The following CTDP1 variants were observed in gnomAD, a reference collection of about 807,000 sequenced individuals.
CTDP1 encodes CTD phosphatase 1.
Under a neutral mutation model 91.8 loss-of-function variants are expected in CTDP1, and 47 were observed. The observed-to-expected ratio is 0.51, with a 90% CI of 0.41 to 0.65. CTDP1 has a LOEUF of 0.65. Among genes scored for constraint, CTDP1 ranks in the 30% least tolerant of loss-of-function variants. The pLI is 0.00. For synonymous variants in CTDP1, 656 were observed against 598.5 expected (o/e 1.10, Z -1.40); for missense variants, 1,272 against 1,373.7 (o/e 0.93, Z 1.17).
At chr18:79,708,108 CAG>C (rs1477886924) in intron 5 of CTDP1, among the ~76,000 whole-genome samples, 1 of 152,152 alleles carries the variant, frequency 6.6e-6, no homozygotes, top group African/African-American at 2.4e-5. Context: ...CCAGTGGTAT[CAG>C]GGAACGGAAA....
intron 7 of CTDP1, among the ~76,000 whole-genome samples, chr18:79,714,181 C>T (rs1288996648): frequency 6.6e-6 from 1 of 152,164 alleles, no homozygotes; most frequent in Non-Finnish European, 1.5e-5. Flanking sequence ...TTTTGAGTGC[C>T]CACATGGTGC....
rs372238734 is a variant in CTDP1, at chr18:79,715,289, G to A, written c.1829G>A (p.Arg610His). The change falls in exon 8 of 13, where the codon CGC (arginine) becomes CAC (histidine). Residue 610 changes from arginine (R) to histidine (H), a missense_variant. This residue lies in a region of CTDP1 where 881 missense variants were observed against 911.6 expected (regional missense o/e 0.97). Transcript: ENST00000613122. Reference protein sequence around the residue: ...VHTDYYAKYDRYLNKEIEEAP... With the variant: ...VHTDYYAKYDHYLNKEIEEAP... ...ACTGACTACTATGCCAAGTATGACC[G>A]CTACCTCAACAAGGAGATCGAGGAG... The A allele has an allele frequency of 6.4e-5, 103 of 1,609,764 alleles. No individual in the cohort carries two copies. The highest frequency in any genetic ancestry group is 8.2e-5 in the Non-Finnish European group (97 of 1,178,126).
upstream of CTDP1, chr18:79,679,299 AGGC>A (rs1445546211): frequency 5.3e-5 from 22 of 414,724 alleles, 1 homozygote; most frequent in Admixed American, 5.4e-4. Flanking sequence ...GGGGGACACG[AGGC>A]GGGGCCACCA....
chr18:79,690,501 C>T (rs2085598373), intron 1 of CTDP1, among the ~76,000 whole-genome samples: 1 of 152,148 alleles, frequency 6.6e-6, no homozygotes, highest in Non-Finnish European at 1.5e-5. Flanking sequence ...CGTGTCACAC[C>T]CCTTTTTAAG....
chr18:79,717,952 G>T lies in CTDP1; in HGVS notation c.2353G>T (p.Gly785Cys). The T allele has an allele frequency of 6.2e-7, 1 of 1,613,488 alleles. No homozygotes were observed. The highest frequency in any genetic ancestry group is 8.5e-7 in the Non-Finnish European group (1 of 1,179,996). Residue 785 changes from glycine (G) to cysteine (C), a missense_variant, in exon 10 of 13, where the codon GGC becomes TGC. Physicochemically the swap from Gly to Cys is radical, Grantham distance 159. This residue lies in a region of CTDP1 where 881 missense variants were observed against 911.6 expected (regional missense o/e 0.97). Transcript: ENST00000613122. The stretch of plus-strand genomic sequence containing the variant: ...CAACACGGGGAAGCTCATCAGGACG[G>T]GCGCCCGGGGGCCCCCAGCACCCTC... ...DSNTGKLIRT[G>C]ARGPPAPSSS...
At chr18:79,728,823 C>G in intron 10 of CTDP1, 84 bp from the exon 11 acceptor site, 1 of 1,392,280 alleles carries the variant, frequency 7.2e-7, no homozygotes, top group Non-Finnish European at 9.7e-7. Context: ...TTTACCTAGT[C>G]CGAGAGCCAG....
upstream of CTDP1, chr18:79,679,532 T>C (rs3826573): frequency 0.63 from 290,061 of 458,636 alleles, 92,442 homozygotes; most frequent in South Asian, 0.7. Flanking sequence ...CCCGCCATGC[T>C]CTGTCCGCGG....
intron 2 of CTDP1, among the ~76,000 whole-genome samples, chr18:79,695,535 G>A (rs1035543078): frequency 1.9e-4 from 29 of 152,310 alleles, no homozygotes; most frequent in African/African-American, 6.5e-4. Flanking sequence ...GTGGTGGGGG[G>A]GCATGCTGGA....
intron 12 of CTDP1, among the ~76,000 whole-genome samples, chr18:79,741,375 G>C (rs183711509): frequency 3.3e-5 from 5 of 152,214 alleles, no homozygotes; most frequent in Admixed American, 3.3e-4. Context: ...TCTTTCTTCA[G>C]ATCATTCCTA....
At chr18:79,714,460 C>T (rs374840683) in intron 7 of CTDP1, 31 bp from the exon 8 acceptor site, 21 of 1,606,266 alleles carry the variant, frequency 1.3e-5, no homozygotes, top group Middle Eastern at 1.6e-4. Flanking sequence ...TGCTAAATTG[C>T]GGTAACTTTT....
chr18:79,723,282 G>A (rs2086382136), intron 10 of CTDP1, among the ~76,000 whole-genome samples: 1 of 152,080 alleles, frequency 6.6e-6, no homozygotes, highest in African/African-American at 2.4e-5. Context: ...TGGGTCCCGT[G>A]CCTGAGTGGC....
chr18:79,695,079 C>G, intron 1 of CTDP1, 146 bp from the exon 2 acceptor site: 1 of 750,158 alleles, frequency 1.3e-6, no homozygotes, highest in East Asian at 2.7e-5. Context: ...GAAATGCCCT[C>G]AAGGGGTGAT....
intron 12 of CTDP1, among the ~76,000 whole-genome samples, chr18:79,742,111 GGTGGA>G (rs1384689381): frequency 2.1e-3 from 29 of 13,538 alleles, no homozygotes; most frequent in African/African-American, 3.3e-3. Context: ...GGAGGCATGA[GGTGGA>G]GGCCTGGGGG....
intron 11 of CTDP1, among the ~76,000 whole-genome samples, chr18:79,729,679 G>T (rs1599286262): frequency 6.6e-6 from 1 of 152,232 alleles, no homozygotes; most frequent in Non-Finnish European, 1.5e-5. Context: ...CTCCTCTTGG[G>T]TCCCAGGCCG....
intron 1 of CTDP1, among the ~76,000 whole-genome samples, chr18:79,681,818 A>G (rs1280172364): frequency 6.6e-6 from 1 of 152,160 alleles, no homozygotes; most frequent in African/African-American, 2.4e-5. Context: ...GGCGGCAGGT[A>G]AATCCTTGCC....
chr18:79,738,116 C>T (rs1251726604), intron 12 of CTDP1, among the ~76,000 whole-genome samples: 1 of 152,016 alleles, frequency 6.6e-6, no homozygotes, highest in African/African-American at 2.4e-5. Flanking sequence ...GTACATCTCC[C>T]AGAAGCTTCC....
At chr18:79,715,646 A>C in intron 8 of CTDP1, 118 bp downstream of exon 8, 1 of 1,114,438 alleles carries the variant, frequency 9.0e-7, no homozygotes, top group Non-Finnish European at 1.3e-6. Flanking sequence ...ATTTCCCAGA[A>C]TCACCATCTT....
rs1372836257 is a variant in CTDP1 at position 79,728,946 on chromosome 18, G to A, written c.2457G>A (p.Glu819=). The A allele has an allele frequency of 1.4e-5, 22 of 1,614,090 alleles. No homozygotes were observed. The highest frequency in any genetic ancestry group is 1.7e-5 in the Non-Finnish European group (20 of 1,180,048). The change falls in exon 11 of 13, where the codon GAG becomes GAA. Residue 819 remains glutamate, a synonymous_variant. Coordinates refer to ENST00000613122, the MANE Select transcript of CTDP1 (RefSeq NM_004715.5). The part of the protein sequence containing the change: ...PPPQPQMFGE[E]LPDAQDGEQP... The stretch of plus-strand genomic sequence containing the variant: ...CCCAGCCGCAGATGTTTGGTGAAGA[G>A]CTGCCTGACGCTCAGGACGGAGAGC...
At chr18:79,690,843 C>G (rs1029156274) in intron 1 of CTDP1, among the ~76,000 whole-genome samples, 1 of 152,210 alleles carries the variant, frequency 6.6e-6, no homozygotes. Context: ...TAGAATAAGA[C>G]AGTCAGAACC....
Sources: gnomAD v4.1 joint callset for allele counts (sites outside exome capture counted in the v4.1 genomes callset) on GRCh38, gnomAD v4.1.1 for gene constraint, gnomAD v4.1.1 regional missense constraint, MANE v1.5 for transcripts, NCBI Gene and HGNC (gene_info 2026-07-23, HGNC 2026-07-21) for gene names.